SH3BGRL2: variants seen among roughly 807,000 people sequenced by gnomAD.
The protein encoded by SH3BGRL2 is SH3 domain binding glutamate rich protein like 2, also known as SH3 domain-binding glutamic acid-rich-like protein 2.
Under a neutral mutation model 14.8 loss-of-function variants are expected in SH3BGRL2, and 21 were observed. The ratio of observed to expected loss-of-function variants is 1.42; its 90% CI spans 1.01 to 2.05. The LOEUF is 2.05. SH3BGRL2 is among the 30% of genes most tolerant of loss of function. The probability of loss-of-function intolerance (pLI) is 0.00; values close to 1 mark genes in which losing one functional copy is unlikely to be tolerated. For missense variants in SH3BGRL2, 147 were observed against 130.8 expected (o/e 1.12, Z -0.61); for synonymous variants, 50 against 47.8 (o/e 1.05, Z -0.19).
At chr6:79,545,036 A>G in the SH3BGRL2 span, among the ~76,000 whole-genome samples, 516 of 152,308 alleles carry the variant, frequency 3.4e-3, 4 homozygotes, top group African/African-American at 0.012. Context: ...CTCTAGTTCT[A>G]TTTCTGGCTA....
At chr6:79,674,415 A>G (rs1246906091) in intron 2 of SH3BGRL2, among the ~76,000 whole-genome samples, 4 of 152,160 alleles carry the variant, frequency 2.6e-5, no homozygotes, top group Non-Finnish European at 4.4e-5. Flanking sequence ...ACTTTCATCT[A>G]TTTACCTACT....
upstream of SH3BGRL2, among the ~76,000 whole-genome samples, chr6:79,629,390 CA>C (rs1392395145): frequency 6.6e-6 from 1 of 152,120 alleles, no homozygotes; most frequent in Non-Finnish European, 1.5e-5. Flanking sequence ...ACTCCTAGAT[CA>C]ATAAGCTGTG....
At chr6:79,687,736 TA>T (rs1335013056) in intron 2 of SH3BGRL2, among the ~76,000 whole-genome samples, 1 of 152,228 alleles carries the variant, frequency 6.6e-6, no homozygotes, top group Admixed American at 6.5e-5. Context: ...CCTATAGTCT[TA>T]AAAAATTGCT....
the SH3BGRL2 span, among the ~76,000 whole-genome samples, chr6:79,570,161 A>T: frequency 0.43 from 64,953 of 151,998 alleles, 14,267 homozygotes; most frequent in Middle Eastern, 0.64. Flanking sequence ...TTACAAGGAA[A>T]AGCCAAGTGA....
the SH3BGRL2 span, among the ~76,000 whole-genome samples, chr6:79,565,172 T>C: frequency 6.6e-6 from 1 of 152,202 alleles, no homozygotes. Flanking sequence ...TCACATAAAT[T>C]TAAATACTTT....
chr6:79,670,217 G>T (rs980386861), intron 1 of SH3BGRL2, among the ~76,000 whole-genome samples: 5 of 152,146 alleles, frequency 3.3e-5, no homozygotes, highest in Non-Finnish European at 7.3e-5. Context: ...AAAATATAAA[G>T]ACCATTTTTG....
At chr6:79,601,082 G>A in the SH3BGRL2 span, among the ~76,000 whole-genome samples, 1 of 152,146 alleles carries the variant, frequency 6.6e-6, no homozygotes, top group Non-Finnish European at 1.5e-5. Flanking sequence ...GGATCATCTG[G>A]CAGCACTGTT....
the SH3BGRL2 span, among the ~76,000 whole-genome samples, chr6:79,608,753 C>A: frequency 6.6e-6 from 1 of 152,080 alleles, no homozygotes; most frequent in East Asian, 1.9e-4. Flanking sequence ...TAGGTGAGAA[C>A]CCCCTGGAAT....
At chr6:79,696,235 T>C (rs1434335101) in intron 2 of SH3BGRL2, among the ~76,000 whole-genome samples, 2 of 152,210 alleles carry the variant, frequency 1.3e-5, no homozygotes, top group Non-Finnish European at 1.5e-5. Flanking sequence ...CTATTTCATT[T>C]CTGTCACCAA....
At chr6:79,667,936 A>G (rs182234944) in intron 1 of SH3BGRL2, among the ~76,000 whole-genome samples, 36 of 150,612 alleles carry the variant, frequency 2.4e-4, no homozygotes, top group African/African-American at 8.3e-4. Context: ...TCTGTGGCTC[A>G]TTTGTCTTCA....
chr6:79,562,064 GTAT>G, the SH3BGRL2 span, among the ~76,000 whole-genome samples: 21 of 152,276 alleles, frequency 1.4e-4, no homozygotes, highest in African/African-American at 4.8e-4. Context: ...GCTTTCTGTA[GTAT>G]TATTTCCTAT....
chr6:79,673,823 G>A, intron 2 of SH3BGRL2, 24 bp downstream of exon 2: 1 of 1,601,726 alleles, frequency 6.2e-7, no homozygotes, highest in South Asian at 1.1e-5. Context: ...CTGTTATCAT[G>A]CTGTTTCTTT....
chr6:79,656,499 G>A (rs1769421309), intron 1 of SH3BGRL2, among the ~76,000 whole-genome samples: 1 of 152,086 alleles, frequency 6.6e-6, no homozygotes, highest in Non-Finnish European at 1.5e-5. Context: ...CTCCTGGGAC[G>A]ACGTATCACA....
At chr6:79,659,385 A>T (rs1034255390) in intron 1 of SH3BGRL2, among the ~76,000 whole-genome samples, 1 of 152,078 alleles carries the variant, frequency 6.6e-6, no homozygotes, top group Admixed American at 6.6e-5. Context: ...CACCATTTAT[A>T]AAATAGGGAA....
At chr6:79,606,421 C>A in the SH3BGRL2 span, among the ~76,000 whole-genome samples, 5 of 152,164 alleles carry the variant, frequency 3.3e-5, no homozygotes, top group Non-Finnish European at 5.9e-5. Flanking sequence ...AATTTAGATT[C>A]TTCAACTATG....
chr6:79,621,449 G>T, the SH3BGRL2 span, among the ~76,000 whole-genome samples: 72 of 152,282 alleles, frequency 4.7e-4, 3 homozygotes, highest in East Asian at 0.011. Context: ...TATGAACCAG[G>T]AAAGAAGCCC....
At chr6:79,628,828 C>A (rs115766470), upstream of SH3BGRL2, among the ~76,000 whole-genome samples, 1 of 152,152 alleles carries the variant, frequency 6.6e-6, no homozygotes, top group African/African-American at 2.4e-5. Flanking sequence ...GGACACAGAG[C>A]GCTTATGAAT....
chr6:79,666,171 C>T (rs949401798), intron 1 of SH3BGRL2, among the ~76,000 whole-genome samples: 2 of 152,144 alleles, frequency 1.3e-5, no homozygotes, highest in Non-Finnish European at 2.9e-5. Flanking sequence ...GGAGGCTGAA[C>T]TTGTCGAGGG....
chr6:79,566,745 A>G, the SH3BGRL2 span, among the ~76,000 whole-genome samples: 11 of 152,160 alleles, frequency 7.2e-5, no homozygotes, highest in Middle Eastern at 3.4e-3. Flanking sequence ...GTGAGACCCC[A>G]TCTCTACAAA....
Sources: gnomAD v4.1 joint callset for allele counts (sites outside exome capture counted in the v4.1 genomes callset) on GRCh38, gnomAD v4.1.1 for gene constraint, MANE v1.5 for transcripts, NCBI Gene and HGNC (gene_info 2026-07-23, HGNC 2026-07-21) for gene names.